CCDC158: variants seen among roughly 807,000 people sequenced by gnomAD.
The protein encoded by CCDC158 is coiled-coil domain containing 158.
In CCDC158, 116 loss-of-function variants were observed where a neutral mutation model predicts 138.6. That is an observed-to-expected ratio of 0.84 (90% CI 0.72 to 0.98). The LOEUF is 0.98. CCDC158 is among the 50% of genes least tolerant of loss of function. The pLI is 0.00. For synonymous variants in CCDC158, 436 were observed against 442.4 expected, an observed-to-expected ratio of 0.99 and a Z score of 0.18; for missense variants, 1,265 against 1,306.1, an observed-to-expected ratio of 0.97 and a Z score of 0.48.
chr4:76,376,198 C>T (rs1579016763), intron 9 of CCDC158, among the ~76,000 whole-genome samples: 1 of 152,062 alleles, frequency 6.6e-6, no homozygotes. Flanking sequence ...GAACTACAGG[C>T]GCACGCTACC....
intron 23 of CCDC158, among the ~76,000 whole-genome samples, chr4:76,324,829 T>A (rs1046781875): frequency 6.6e-6 from 1 of 152,206 alleles, no homozygotes; most frequent in Non-Finnish European, 1.5e-5. Context: ...CTGAGGCAAG[T>A]ATACCCTTTA....
chr4:76,369,011 C>T (rs962122392), intron 11 of CCDC158, among the ~76,000 whole-genome samples: 3 of 151,914 alleles, frequency 2.0e-5, no homozygotes, highest in East Asian at 1.9e-4. Context: ...GTCATGAGAT[C>T]GAGACCATCC....
chr4:76,347,481 C>T (rs1722671794), intron 18 of CCDC158, among the ~76,000 whole-genome samples: 1 of 152,114 alleles, frequency 6.6e-6, no homozygotes, highest in East Asian at 1.9e-4. Context: ...ACCGCATGTT[C>T]TCACTCATAA....
At chr4:76,414,322 A>G (rs969094381) in intron 1 of CCDC158, 3 of 152,196 alleles carry the variant, frequency 2.0e-5, no homozygotes, top group Admixed American at 6.5e-5. Context: ...TGTTTCAAGT[A>G]TCTTCATCAA....
At chr4:76,368,769 A>T (rs1276273666) in intron 11 of CCDC158, among the ~76,000 whole-genome samples, 1 of 152,202 alleles carries the variant, frequency 6.6e-6, no homozygotes, top group African/African-American at 2.4e-5. Context: ...GTTGCTTCTC[A>T]GGCTGCCCAA....
intron 3 of CCDC158, 48 bp downstream of exon 3, chr4:76,403,090 A>T (rs779821014): frequency 7.6e-7 from 1 of 1,312,646 alleles, no homozygotes; most frequent in Non-Finnish European, 1.1e-6. Context: ...AATGAATATC[A>T]TGGTTAATTC....
Position 76,414,619 on chromosome 4 carries a change from C to A in CCDC158, c.-116-2487G>T, listed in dbSNP as rs77217979. ...AGAATTCCCACGTGTGTGGGAGGGACCCAGGATGAGGTAATTGAATCATGG... is the reference window on the plus strand; with the variant it reads ...AGAATTCCCACGTGTGTGGGAGGGAACCAGGATGAGGTAATTGAATCATGG... On this transcript the variant is annotated intron_variant, in intron 1 of 24. Transcript: ENST00000682701. Among the ~76,000 whole-genome samples the A allele has an allele frequency of 9.5e-3, 1,453 of 152,292 alleles. 21 individuals carry two copies. The highest frequency in any genetic ancestry group is 0.033 in the African/African-American group (1,388 of 41,546).
chr4:76,339,384 T>C (rs1721841445), intron 18 of CCDC158, among the ~76,000 whole-genome samples: 1 of 152,194 alleles, frequency 6.6e-6, no homozygotes, highest in South Asian at 2.1e-4. Flanking sequence ...TGTTCCTCTT[T>C]CAGCTAGCAC....
At chr4:76,355,563 G>A (rs998514997) in intron 14 of CCDC158, 127 bp from the exon 15 acceptor site, 29 of 700,080 alleles carry the variant, frequency 4.1e-5, no homozygotes, top group African/African-American at 4.1e-4. Flanking sequence ...CAGTTTCAAG[G>A]AAAAGATCAT....
intron 18 of CCDC158, among the ~76,000 whole-genome samples, chr4:76,343,238 G>C (rs965719657): frequency 2.0e-5 from 3 of 152,070 alleles, no homozygotes; most frequent in Non-Finnish European, 2.9e-5. Flanking sequence ...TCCCTCTTTA[G>C]GGAAACTGAT....
intron 1 of CCDC158, among the ~76,000 whole-genome samples, chr4:76,412,432 G>GT (rs1481293095): frequency 6.6e-6 from 1 of 152,102 alleles, no homozygotes; most frequent in African/African-American, 2.4e-5. Context: ...AGGCCACATA[G>GT]TAAGACCTTG....
At position 76,367,477 on chromosome 4, in the gene CCDC158, T is replaced by C. The variant is rs1379272348; in HGVS notation, c.1647A>G (p.Glu549=). The C allele has an allele frequency of 2.5e-6, 4 of 1,614,148 alleles. No individual in the cohort carries two copies. Among genetic ancestry groups the C allele is most frequent in the Non-Finnish European group, 3.4e-6 (4 of 1,180,060 alleles). The change falls in exon 12 of 25, where the codon GAA becomes GAG. Residue 549 remains glutamate, a synonymous_variant. Transcript: ENST00000682701. ...EGDHLRNVQT[E]CEALKLQMTE... ...TCATCTGCAGTTTGAGGGCCTCACATTCTGTCTGCACATTTCTGAGATGAT... is the reference window on the plus strand; with the variant it reads ...TCATCTGCAGTTTGAGGGCCTCACACTCTGTCTGCACATTTCTGAGATGAT...
chr4:76,341,144 G>C (rs991938129), intron 18 of CCDC158, among the ~76,000 whole-genome samples: 1 of 152,042 alleles, frequency 6.6e-6, no homozygotes, highest in Non-Finnish European at 1.5e-5. Flanking sequence ...TATCTTTAAT[G>C]TACTTCTATC....
At chr4:76,345,047 G>A (rs1213940772) in intron 18 of CCDC158, 13 of 1,363,986 alleles carry the variant, frequency 9.5e-6, no homozygotes, top group South Asian at 2.3e-5. Context: ...TAGGATCAAC[G>A]ATTCTTGTGT....
chr4:76,350,983 A>T lies in CCDC158; in HGVS notation c.2664+13T>A, dbSNP rs1292387848. The T allele has an allele frequency of 1.3e-5, 21 of 1,611,888 alleles. No homozygotes were observed. Among genetic ancestry groups the T allele is most frequent in the Non-Finnish European group, 1.7e-5 (20 of 1,179,032 alleles). On this transcript the variant is annotated intron_variant, in intron 18 of 24. Coordinates refer to ENST00000682701, the MANE Select transcript of CCDC158 (RefSeq NM_001394954.1). Reference sequence around the variant, plus strand: ...TGTCATTTGCGTAATGGATCATAAGACTGGTTACTTACATGAGACAGGAAG... The same window carrying T: ...TGTCATTTGCGTAATGGATCATAAGTCTGGTTACTTACATGAGACAGGAAG...
chr4:76,351,259 C>T, intron 17 of CCDC158, 138 bp from the exon 18 acceptor site: 2 of 773,720 alleles, frequency 2.6e-6, no homozygotes, highest in Non-Finnish European at 3.9e-6. Flanking sequence ...CTTTAAAGTA[C>T]ACTTCTTAAA....
At chr4:76,372,666 G>C (rs532090248) in intron 9 of CCDC158, among the ~76,000 whole-genome samples, 1 of 152,104 alleles carries the variant, frequency 6.6e-6, no homozygotes, top group South Asian at 2.1e-4. Context: ...ATTTACAGTA[G>C]GACAATTTAT....
intron 16 of CCDC158, 173 bp from the exon 17 acceptor site, chr4:76,351,985 G>A: frequency 1.9e-6 from 1 of 533,782 alleles, no homozygotes; most frequent in Non-Finnish European, 3.3e-6. Flanking sequence ...AGCAACTGGA[G>A]GCCATGTTTT....
intron 18 of CCDC158, among the ~76,000 whole-genome samples, chr4:76,342,116 G>A (rs1163219568): frequency 1.3e-5 from 2 of 151,978 alleles, no homozygotes; most frequent in Admixed American, 1.3e-4. Context: ...TGCTGCCCAG[G>A]CACTGCAACC....
Sources: gnomAD v4.1 joint callset for allele counts (sites outside exome capture counted in the v4.1 genomes callset) on GRCh38, gnomAD v4.1.1 for gene constraint, MANE v1.5 for transcripts, NCBI Gene and HGNC (gene_info 2026-07-23, HGNC 2026-07-21) for gene names.